The following THRB variants were observed in gnomAD, a reference collection of about 807,000 sequenced individuals.
THRB encodes the protein thyroid hormone receptor beta, also known as nuclear receptor subfamily 1 group A member 2.
THRB carries 12 observed loss-of-function variants against 47.8 expected under a neutral mutation model. That is an observed-to-expected ratio of 0.25 (90% CI 0.16 to 0.41). The LOEUF is 0.41. Ranked by LOEUF, THRB falls within the 10% of genes least tolerant of loss-of-function variation. THRB has a pLI of 1.00. For missense variants in THRB, 348 were observed against 589.2 expected (o/e 0.59, Z 4.24); for synonymous variants, 218 against 212.2 (o/e 1.03, Z -0.24).
At chr3:24,266,602 G>A (rs1165442495) in intron 3 of THRB, among the ~76,000 whole-genome samples, 2 of 152,184 alleles carry the variant, frequency 1.3e-5, no homozygotes, top group African/African-American at 4.8e-5. Context: ...CACTGCAGCT[G>A]ATGGAAGGGA....
intron 1 of THRB, among the ~76,000 whole-genome samples, chr3:24,449,395 G>T (rs188092996): frequency 6.6e-6 from 1 of 152,310 alleles, no homozygotes; most frequent in East Asian, 1.9e-4. Flanking sequence ...CTGGTTGACA[G>T]AAATGGGCAT....
intron 1 of THRB, among the ~76,000 whole-genome samples, chr3:24,437,581 C>T (rs770772069): frequency 1.3e-5 from 2 of 152,062 alleles, no homozygotes; most frequent in Non-Finnish European, 2.9e-5. Context: ...ATACTAATCA[C>T]CCTGATTTAA....
At chr3:24,171,720 A>T (rs1297167820) in intron 5 of THRB, among the ~76,000 whole-genome samples, 5 of 152,016 alleles carry the variant, frequency 3.3e-5, no homozygotes, top group African/African-American at 1.2e-4. Flanking sequence ...AGGCCTGGGG[A>T]TTGACTGTCC....
chr3:24,155,715 G>A (rs1367256879), intron 5 of THRB, among the ~76,000 whole-genome samples: 2 of 152,152 alleles, frequency 1.3e-5, no homozygotes, highest in African/African-American at 2.4e-5. Context: ...GCCAAACTAA[G>A]GAAAATGCAC....
chr3:24,237,830 G>A (rs2049025495), intron 3 of THRB, among the ~76,000 whole-genome samples: 1 of 152,068 alleles, frequency 6.6e-6, no homozygotes, highest in African/African-American at 2.4e-5. Context: ...AGGTGGAATG[G>A]GCCTTAAAAC....
chr3:24,236,153 G>A (rs927025358), intron 3 of THRB, among the ~76,000 whole-genome samples: 1 of 152,170 alleles, frequency 6.6e-6, no homozygotes, highest in African/African-American at 2.4e-5. Context: ...CATAGGAGGA[G>A]AGGGAGAGCT....
intron 4 of THRB, among the ~76,000 whole-genome samples, chr3:24,198,169 A>G (rs1440127308): frequency 6.6e-6 from 1 of 151,918 alleles, no homozygotes; most frequent in Admixed American, 6.6e-5. Flanking sequence ...CTCTGCAGGA[A>G]CTCTGCCCCA....
intron 3 of THRB, among the ~76,000 whole-genome samples, chr3:24,266,602 G>C (rs1165442495): frequency 6.6e-6 from 1 of 152,302 alleles, no homozygotes; most frequent in South Asian, 2.1e-4. Flanking sequence ...CACTGCAGCT[G>C]ATGGAAGGGA....
intron 1 of THRB, chr3:24,494,126 G>A (rs1436605742): frequency 6.6e-6 from 1 of 152,534 alleles, no homozygotes. Flanking sequence ...CAACATCCAG[G>A]ATAATTCTCC....
chr3:24,244,260 A>G (rs767902502), intron 3 of THRB, among the ~76,000 whole-genome samples: 3 of 152,232 alleles, frequency 2.0e-5, no homozygotes, highest in Non-Finnish European at 4.4e-5. Flanking sequence ...TATAAATTAC[A>G]TCTCAATAAA....
At chr3:24,209,940 T>C (rs1332299860) in intron 4 of THRB, among the ~76,000 whole-genome samples, 1 of 152,080 alleles carries the variant, frequency 6.6e-6, no homozygotes, top group Non-Finnish European at 1.5e-5. Context: ...TAAGAAAAAA[T>C]ATTGTGCTGT....
chr3:24,301,499 C>G lies in THRB; in HGVS notation c.-188-4128G>C, dbSNP rs546936058. 1.9e-4 allele frequency among the ~76,000 whole-genome samples: 29 copies of G among 152,170 alleles called. No individual in the cohort carries two copies. The South Asian group carries it at 4.4e-3, about 23-fold the overall frequency. ...CACATGTTGTAAGACACCTATCTAG[C>G]CTGTATTTTTTAGTTTGTTTATGAT... On this transcript the variant is annotated intron_variant, in intron 2 of 10. Coordinates refer to ENST00000646209, the MANE Select transcript of THRB (RefSeq NM_001354712.2).
At chr3:24,442,824 C>CAA (rs71988334) in intron 1 of THRB, among the ~76,000 whole-genome samples, 1 of 135,088 alleles carries the variant, frequency 7.4e-6, no homozygotes, top group Non-Finnish European at 1.6e-5. Flanking sequence ...AACTCCGTCT[C>CAA]AAAAAAAAAA....
At chr3:24,323,551 T>C (rs1190145917) in intron 2 of THRB, among the ~76,000 whole-genome samples, 1 of 152,186 alleles carries the variant, frequency 6.6e-6, no homozygotes, top group Non-Finnish European at 1.5e-5. Context: ...CCTAACCAGC[T>C]CCCTGGTGGG....
At chr3:24,267,722 G>A (rs752215809) in intron 3 of THRB, among the ~76,000 whole-genome samples, 3 of 152,102 alleles carry the variant, frequency 2.0e-5, no homozygotes, top group African/African-American at 2.4e-5. Flanking sequence ...TACACTTGAT[G>A]TTGCCTCTTA....
At chr3:24,433,317 C>G (rs191914242) in intron 1 of THRB, among the ~76,000 whole-genome samples, 1 of 152,020 alleles carries the variant, frequency 6.6e-6, no homozygotes, top group African/African-American at 2.4e-5. Flanking sequence ...TATCTGGTGG[C>G]CCAGTATGGT....
intron 1 of THRB, among the ~76,000 whole-genome samples, chr3:24,439,775 A>G (rs945855312): frequency 1.2e-4 from 19 of 152,206 alleles, no homozygotes; most frequent in African/African-American, 4.3e-4. Flanking sequence ...ATTTTTAGAT[A>G]TTAAATACCT....
At chr3:24,471,477 A>G (rs948019556) in intron 1 of THRB, among the ~76,000 whole-genome samples, 3 of 152,232 alleles carry the variant, frequency 2.0e-5, no homozygotes, top group African/African-American at 7.2e-5. Flanking sequence ...ATCTAATGCA[A>G]TGTTGTGGTT....
chr3:24,262,834 G>A (rs946546031), intron 3 of THRB, among the ~76,000 whole-genome samples: 2 of 151,942 alleles, frequency 1.3e-5, no homozygotes, highest in Non-Finnish European at 1.5e-5. Context: ...AACACCATGA[G>A]GAAGGGATTT....
Sources: allele counts gnomAD v4.1 joint callset (sites outside exome capture counted in the v4.1 genomes callset), GRCh38; gene constraint gnomAD v4.1.1; transcripts MANE v1.5; gene names NCBI Gene and HGNC (gene_info 2026-07-23, HGNC 2026-07-21).